ATXN1: variants seen among roughly 807,000 people sequenced by gnomAD.
ATXN1 encodes the protein ataxin 1, also known as ataxin-1.
ATXN1 carries 8 observed loss-of-function variants against 56.4 expected under a neutral mutation model. The observed-to-expected ratio is 0.14, with a 90% CI of 0.08 to 0.26. ATXN1 has a LOEUF of 0.26. Among genes scored for constraint, ATXN1 ranks in the 10% least tolerant of loss-of-function variants. The pLI is 1.00. For synonymous variants in ATXN1, 514 were observed against 494.6 expected (o/e 1.04, Z -0.52); for missense variants, 987 against 1,106.5 (o/e 0.89, Z 1.53).
chr6:16,629,917 C>A (rs1367208644), intron 3 of ATXN1, among the ~76,000 whole-genome samples: 1 of 145,684 alleles, frequency 6.9e-6, no homozygotes, highest in Non-Finnish European at 1.5e-5. Flanking sequence ...AACTCCATCT[C>A]AAAAAAAAAA....
At chr6:16,747,871 T>A (rs377177427) in intron 2 of ATXN1, among the ~76,000 whole-genome samples, 2 of 152,192 alleles carry the variant, frequency 1.3e-5, no homozygotes, top group African/African-American at 4.8e-5. Context: ...AGCTTCCTTA[T>A]GGCCACCCTG....
intron 2 of ATXN1, among the ~76,000 whole-genome samples, chr6:16,716,768 A>G (rs775852756): frequency 4.6e-5 from 7 of 152,238 alleles, no homozygotes; most frequent in Admixed American, 1.3e-4. Flanking sequence ...TATTGGATGT[A>G]GCTATGTGCT....
intron 4 of ATXN1, among the ~76,000 whole-genome samples, chr6:16,528,317 A>G (rs1761434014): frequency 6.6e-6 from 1 of 151,770 alleles, no homozygotes; most frequent in Non-Finnish European, 1.5e-5. Context: ...AAAAAAAAAA[A>G]GAAAAACACT....
intron 2 of ATXN1, chr6:16,739,084 T>C (rs1050442444): frequency 2.6e-5 from 4 of 152,038 alleles, no homozygotes; most frequent in South Asian, 2.1e-4. Flanking sequence ...TGTTCTATTG[T>C]AGTTTGTCTT....
At chr6:16,466,384 ACT>A (rs1275681549) in intron 6 of ATXN1, among the ~76,000 whole-genome samples, 3 of 150,186 alleles carry the variant, frequency 2.0e-5, no homozygotes, top group Non-Finnish European at 4.4e-5. Flanking sequence ...CAAGAGGATA[ACT>A]CTCTATCAAG....
At chr6:16,524,599 T>C (rs2113698769) in intron 4 of ATXN1, among the ~76,000 whole-genome samples, 1 of 152,312 alleles carries the variant, frequency 6.6e-6, no homozygotes, top group East Asian at 1.9e-4. Flanking sequence ...GCAATAACAA[T>C]ATCGACTTCA....
At position 16,731,454 on chromosome 6, in the gene ATXN1, C is replaced by CTTTTTTTTTTTTTTT. The variant is rs71559655; in HGVS notation, c.-615+21764_-615+21778dup. Among the ~76,000 whole-genome samples the CTTTTTTTTTTTTTTT allele has an allele frequency of 6.1e-4, 50 of 81,774 alleles. 1 individual carries two copies. The highest frequency in any genetic ancestry group is 1.1e-3 in the East Asian group (3 of 2,682). 53.6% of individuals were successfully genotyped at this position (81,774 alleles called of 152,430 possible). A position where few individuals can be genotyped will look rare whatever the true frequency, so the allele number is the denominator to read the frequency against. On this transcript the variant is annotated intron_variant, in intron 2 of 7. Transcript: ENST00000436367. ...ACGAGAGAGGCTTTTTTTTTCTTTT[C>CTTTTTTTTTTTTTTT]TTTTTTTTTTTTTTTTTTTTTTTTT...
At chr6:16,371,443 C>CT (rs1762040625) in intron 6 of ATXN1, among the ~76,000 whole-genome samples, 1 of 151,840 alleles carries the variant, frequency 6.6e-6, no homozygotes, top group Non-Finnish European at 1.5e-5. Flanking sequence ...GTATTTAACA[C>CT]TAGTTCCATT....
rs901385895 is a variant in ATXN1 at position 16,727,518 on chromosome 6, TA to T, written c.-615+25714del. On this transcript the variant is annotated intron_variant, in intron 2 of 7. Coordinates refer to ENST00000436367, the MANE Select transcript of ATXN1 (RefSeq NM_001128164.2). ...TAGTTTTAACTCTCTTAAGTACTTA[TA>T]AAAAAATTTCAAAATGATCATCAAA... Among the ~76,000 whole-genome samples the T allele has an allele frequency of 5.9e-5, 9 of 152,176 alleles. No individual in the cohort carries two copies. The East Asian group carries it at 1.5e-3, about 26-fold the overall frequency.
intron 2 of ATXN1, among the ~76,000 whole-genome samples, chr6:16,740,982 C>A (rs1159677716): frequency 6.6e-6 from 1 of 152,218 alleles, no homozygotes; most frequent in Non-Finnish European, 1.5e-5. Flanking sequence ...AAAGACATGT[C>A]TTTTCATCCT....
At position 16,456,774 on chromosome 6, in the gene ATXN1, G is replaced by A. The variant is rs576476285; in HGVS notation, c.-161+29198C>T. On this transcript the variant is annotated intron_variant, in intron 6 of 7. Coordinates refer to ENST00000436367, the MANE Select transcript of ATXN1 (RefSeq NM_001128164.2). ...GGTGCTCTTCCAGTTTCTCCTATAA[G>A]GATGATTTCTAATATAAATTTCAGG... Among the ~76,000 whole-genome samples, 11 of 152,196 alleles carry A rather than the reference G, an allele frequency of 7.2e-5. No individual in the cohort carries two copies. The South Asian group carries it at 2.1e-3, about 29-fold the overall frequency.
chr6:16,335,406 G>A (rs753188515), intron 6 of ATXN1, among the ~76,000 whole-genome samples: 4 of 152,150 alleles, frequency 2.6e-5, no homozygotes, highest in African/African-American at 9.7e-5. Flanking sequence ...CAACGCGCTC[G>A]GGTTTCCCTT....
intron 3 of ATXN1, among the ~76,000 whole-genome samples, chr6:16,651,547 A>C (rs1043991059): frequency 2.0e-5 from 3 of 151,690 alleles, no homozygotes; most frequent in Admixed American, 6.6e-5. Context: ...CTGTCTCAAA[A>C]AAAAAAAAAA....
At chr6:16,338,022 T>A (rs1761162350) in intron 6 of ATXN1, among the ~76,000 whole-genome samples, 1 of 152,162 alleles carries the variant, frequency 6.6e-6, no homozygotes, top group African/African-American at 2.4e-5. Context: ...CTATTTAGAA[T>A]ATCAAGATAA....
chr6:16,627,206 T>C (rs1263324722), intron 3 of ATXN1, among the ~76,000 whole-genome samples: 3 of 152,210 alleles, frequency 2.0e-5, no homozygotes, highest in Non-Finnish European at 2.9e-5. Context: ...TGAGTCTCTT[T>C]CCTCCTTTAA....
rs149228045 is a variant in ATXN1 at position 16,734,785 on chromosome 6, T to A, written c.-615+18448A>T. 6.6e-5 allele frequency among the ~76,000 whole-genome samples: 10 copies of A among 152,298 alleles called. No individual in the cohort carries two copies. The East Asian group carries it at 1.9e-3, about 29-fold the overall frequency. On this transcript the variant is annotated intron_variant, in intron 2 of 7. Transcript: ENST00000436367. ...CTGGGATTACAGACGTGAGCCACCG[T>A]GCCTAGTCTTAAAAATATTTTAAAA...
chr6:16,666,129 T>C (rs1758419573), intron 2 of ATXN1, among the ~76,000 whole-genome samples: 1 of 152,206 alleles, frequency 6.6e-6, no homozygotes. Context: ...CCTCTCTTTA[T>C]TCCTCCCTCC....
At chr6:16,439,886 G>A (rs1012225443) in intron 6 of ATXN1, among the ~76,000 whole-genome samples, 8 of 151,754 alleles carry the variant, frequency 5.3e-5, no homozygotes, top group African/African-American at 1.9e-4. Flanking sequence ...ACCAGCCTGG[G>A]CAACATGGTG....
chr6:16,557,571 T>G (rs1164037882), intron 4 of ATXN1, among the ~76,000 whole-genome samples: 1 of 152,000 alleles, frequency 6.6e-6, no homozygotes, highest in Non-Finnish European at 1.5e-5. Context: ...AACAATGATA[T>G]AAAAAGAAAT....
Sources: gnomAD v4.1 joint callset for allele counts (sites outside exome capture counted in the v4.1 genomes callset) on GRCh38, gnomAD v4.1.1 for gene constraint, MANE v1.5 for transcripts, NCBI Gene and HGNC (gene_info 2026-07-23, HGNC 2026-07-21) for gene names.